UNC13C: variants seen among roughly 807,000 people sequenced by gnomAD.
UNC13C encodes the protein protein unc-13 homolog C.
In UNC13C, 174 loss-of-function variants were observed where a neutral mutation model predicts 245.4. The observed-to-expected ratio is 0.71, with a 90% CI of 0.63 to 0.80. UNC13C has a LOEUF of 0.80. UNC13C is among the 30% of genes least tolerant of loss of function. The pLI is 0.00. For synonymous variants in UNC13C, 992 were observed against 895.1 expected, an observed-to-expected ratio of 1.11 and a Z score of -1.93; for missense variants, 2,829 against 2,602.9, an observed-to-expected ratio of 1.09 and a Z score of -1.89.
intron 18 of UNC13C, among the ~76,000 whole-genome samples, chr15:54,410,093 T>C (rs1360248909): frequency 6.6e-6 from 1 of 152,220 alleles, no homozygotes; most frequent in Non-Finnish European, 1.5e-5. Context: ...TAATATCTCA[T>C]GGTGGTTTTG....
At chr15:54,328,710 G>T (rs141072638) in intron 14 of UNC13C, among the ~76,000 whole-genome samples, 9 of 152,086 alleles carry the variant, frequency 5.9e-5, no homozygotes, top group Admixed American at 3.9e-4. Context: ...TGCACACTCC[G>T]AGGAGCAACT....
intron 4 of UNC13C, among the ~76,000 whole-genome samples, chr15:54,231,948 T>A: frequency 6.6e-6 from 1 of 152,096 alleles, no homozygotes; most frequent in East Asian, 1.9e-4. Context: ...TTTACTAGTT[T>A]GTGTTACTTA....
intron 20 of UNC13C, among the ~76,000 whole-genome samples, chr15:54,497,859 G>A (rs1176209026): frequency 3.3e-5 from 5 of 151,984 alleles, no homozygotes; most frequent in Non-Finnish European, 7.4e-5. Flanking sequence ...ATTTTTGAAG[G>A]TCTCTGCCCT....
chr15:54,148,620 T>C (rs1304115280), intron 4 of UNC13C, among the ~76,000 whole-genome samples: 1 of 152,178 alleles, frequency 6.6e-6, no homozygotes, highest in African/African-American at 2.4e-5. Context: ...CTCCAGGGGC[T>C]CTTCACCTAA....
At chr15:54,130,707 C>T (rs776521089) in intron 2 of UNC13C, among the ~76,000 whole-genome samples, 9 of 152,158 alleles carry the variant, frequency 5.9e-5, no homozygotes, top group South Asian at 2.1e-4. Context: ...TCTTCATAGG[C>T]AAATCTTTTC....
chr15:54,123,576 G>C (rs915142789), intron 2 of UNC13C, among the ~76,000 whole-genome samples: 2 of 151,756 alleles, frequency 1.3e-5, no homozygotes, highest in Admixed American at 6.6e-5. Flanking sequence ...TTTTAAAACT[G>C]CTTATTTGAA....
intron 19 of UNC13C, among the ~76,000 whole-genome samples, chr15:54,427,870 G>C (rs58725074): frequency 6.6e-6 from 1 of 151,534 alleles, no homozygotes; most frequent in Non-Finnish European, 1.5e-5. Flanking sequence ...AACTACCTCT[G>C]TTGTGCTTGA....
intron 2 of UNC13C, among the ~76,000 whole-genome samples, chr15:54,060,182 C>T (rs1897746045): frequency 6.6e-6 from 1 of 152,160 alleles, no homozygotes; most frequent in South Asian, 2.1e-4. Flanking sequence ...GAACAGGCAA[C>T]CTACAGAATG....
the UNC13C span, among the ~76,000 whole-genome samples, chr15:53,870,012 C>A: frequency 1.3e-5 from 2 of 152,176 alleles, no homozygotes; most frequent in African/African-American, 4.8e-5. Flanking sequence ...GCAAAATCTT[C>A]GAGCCTTCCA....
At position 54,537,852 on chromosome 15, in the gene UNC13C, G is replaced by T. The variant is rs1372469649; in HGVS notation, c.5696+4786G>T. On this transcript the variant is annotated intron_variant, in intron 26 of 32. Transcript: ENST00000260323. ...AAAAATCAACTCAAGATGGATTAAA[G>T]ATTTAAATGTAAAACCTAAAACTAT... Among the ~76,000 whole-genome samples, 8 of 151,914 alleles carry T rather than the reference G, an allele frequency of 5.3e-5. 1 individual carries two copies. Among genetic ancestry groups the T allele is most frequent in the African/African-American group, 7.2e-5 (3 of 41,380 alleles).
intron 1 of UNC13C, among the ~76,000 whole-genome samples, chr15:53,997,435 T>C (rs905025690): frequency 1.3e-5 from 2 of 152,208 alleles, no homozygotes; most frequent in Non-Finnish European, 1.5e-5. Flanking sequence ...ATTTCTGTTT[T>C]ATATTTAGTG....
chr15:54,185,026 G>T (rs916901571), intron 4 of UNC13C, among the ~76,000 whole-genome samples: 1 of 152,182 alleles, frequency 6.6e-6, no homozygotes, highest in African/African-American at 2.4e-5. Flanking sequence ...CAGTGATGAT[G>T]AGCATTTTTT....
At chr15:54,526,740 G>GAAAAAAAAAAAAAAAAAAA (rs1164016477) in intron 25 of UNC13C, among the ~76,000 whole-genome samples, 1 of 63,096 alleles carries the variant, frequency 1.6e-5, no homozygotes. Context: ...ACTCCGTCTA[G>GAAAAAAAAAAAAAAAAAAA]AAAAAAAAAA....
At chr15:54,283,119 A>G (rs1313738432) in intron 10 of UNC13C, among the ~76,000 whole-genome samples, 2 of 152,212 alleles carry the variant, frequency 1.3e-5, no homozygotes, top group African/African-American at 2.4e-5. Flanking sequence ...TTCTGAATCC[A>G]GTCCAAGGAT....
chr15:54,088,187 T>G (rs1899349822), intron 2 of UNC13C, among the ~76,000 whole-genome samples: 1 of 145,728 alleles, frequency 6.9e-6, no homozygotes, highest in African/African-American at 2.5e-5. Flanking sequence ...GAAGCAGCCA[T>G]GGGCTTCCTT....
At chr15:53,930,929 T>G in the UNC13C span, among the ~76,000 whole-genome samples, 1 of 152,296 alleles carries the variant, frequency 6.6e-6, no homozygotes, top group South Asian at 2.1e-4. Flanking sequence ...TGTCGACCTC[T>G]GCAGAGAACA....
At chr15:54,551,361 A>G (rs542509798) in intron 28 of UNC13C, among the ~76,000 whole-genome samples, 73 of 152,144 alleles carry the variant, frequency 4.8e-4, no homozygotes, top group African/African-American at 1.7e-3. Flanking sequence ...AGGAAGTATG[A>G]TCACCATTCC....
chr15:53,997,638 C>T (rs1894696438), intron 1 of UNC13C, among the ~76,000 whole-genome samples: 1 of 151,736 alleles, frequency 6.6e-6, no homozygotes, highest in South Asian at 2.1e-4. Flanking sequence ...TTTTTTGTAC[C>T]TTTGTAAAAA....
intron 2 of UNC13C, among the ~76,000 whole-genome samples, chr15:54,137,219 A>C (rs1037993505): frequency 1.3e-5 from 2 of 152,070 alleles, no homozygotes; most frequent in African/African-American, 4.8e-5. Context: ...ATGGTGTATG[A>C]TCCTTTTACT....
Sources: allele counts gnomAD v4.1 joint callset (sites outside exome capture counted in the v4.1 genomes callset), GRCh38; gene constraint gnomAD v4.1.1; transcripts MANE v1.5; gene names NCBI Gene and HGNC (gene_info 2026-07-23, HGNC 2026-07-21).